Variants in MARCHF10 observed in about 807,000 individuals in gnomAD.
The protein encoded by MARCHF10 is membrane associated ring-CH-type finger 10.
In MARCHF10, 64 loss-of-function variants were observed where a neutral mutation model predicts 76.2. The ratio of observed to expected loss-of-function variants is 0.84; its 90% CI spans 0.69 to 1.03. The LOEUF (loss-of-function observed/expected upper bound fraction) is 1.03. Ranked by LOEUF, MARCHF10 falls within the 50% of genes least tolerant of loss-of-function variation. The probability of loss-of-function intolerance (pLI) is 0.00; values close to 1 mark genes in which losing one functional copy is unlikely to be tolerated. For missense variants in MARCHF10, 875 were observed against 958.0 expected (o/e 0.91, Z 1.14); for synonymous variants, 340 against 357.5 (o/e 0.95, Z 0.55).
Position 62,705,542 on chromosome 17 carries a change from C to T in MARCHF10, c.2368G>A (p.Glu790Lys), listed in dbSNP as rs1447477079. ...AGGACTGGCCCCCAAAACCTACTTT[C>T]ATTTTCCTCTGTTCTGGGTTGTGGG... is the stretch of plus-strand genomic sequence containing the variant. ...NYPQPRTEEN[E>K]NSELGDGNEG... The change falls in exon 10 of 11, where the codon GAA (glutamate) becomes AAA (lysine). Residue 790 changes from glutamate to lysine, a missense_variant. Coordinates refer to ENST00000311269, the MANE Select transcript of MARCHF10 (RefSeq NM_152598.4). The T allele has an allele frequency of 6.2e-7, 1 of 1,614,066 alleles. No homozygotes were observed. Among genetic ancestry groups the T allele is most frequent in the East Asian group, 2.2e-5 (1 of 44,898 alleles).
At position 62,801,746 on chromosome 17, in the gene MARCHF10, C is replaced by T. The variant is rs779527663; in HGVS notation, c.-11G>A. Reference sequence around the variant, plus strand: ...TGCGTCATGCAACATGATTCCTAATCCCTGACCTGCACAGAAAAGATAAAC... The same window carrying T: ...TGCGTCATGCAACATGATTCCTAATTCCTGACCTGCACAGAAAAGATAAAC... On this transcript the variant is annotated 5_prime_UTR_variant, in exon 2 of 11. Transcript: ENST00000311269. The T allele has an allele frequency of 7.4e-6, 12 of 1,610,750 alleles. No homozygotes were observed. The highest frequency in any genetic ancestry group is 9.3e-6 in the Non-Finnish European group (11 of 1,176,914).
intron 3 of MARCHF10, among the ~76,000 whole-genome samples, chr17:62,765,389 G>T (rs997741349): frequency 2.0e-5 from 3 of 148,816 alleles, no homozygotes; most frequent in Non-Finnish European, 4.4e-5. Context: ...ATGCCTTTTG[G>T]AGTCAGCTGG....
At chr17:62,727,860 C>G (rs1339492850) in intron 6 of MARCHF10, among the ~76,000 whole-genome samples, 2 of 152,118 alleles carry the variant, frequency 1.3e-5, no homozygotes, top group African/African-American at 2.4e-5. Flanking sequence ...TTGGGCTGCA[C>G]CAATGCAGGG....
At chr17:62,798,239 T>C (rs1219558411) in intron 2 of MARCHF10, among the ~76,000 whole-genome samples, 2 of 151,642 alleles carry the variant, frequency 1.3e-5, no homozygotes, top group East Asian at 1.9e-4. Flanking sequence ...AAATTAACAT[T>C]TGAGAGCCAG....
chr17:62,768,497 G>A (rs2092382341), intron 3 of MARCHF10, among the ~76,000 whole-genome samples: 1 of 152,198 alleles, frequency 6.6e-6, no homozygotes, highest in South Asian at 2.1e-4. Context: ...TCCAGTCTGG[G>A]TGACAGGGCA....
chr17:62,753,443 A>T (rs2091954612), intron 4 of MARCHF10, among the ~76,000 whole-genome samples: 1 of 152,138 alleles, frequency 6.6e-6, no homozygotes, highest in African/African-American at 2.4e-5. Context: ...TGTACATAGG[A>T]ATATCCCTGA....
intron 3 of MARCHF10, 26 bp downstream of exon 3, chr17:62,788,454 A>C: frequency 6.2e-7 from 1 of 1,613,494 alleles, no homozygotes; most frequent in Non-Finnish European, 8.5e-7. Context: ...CAGCCCCAGG[A>C]GACTGTCTCC....
In MARCHF10 at chr17:62,712,506, C is replaced by T. The variant is rs1263295053; in HGVS notation, c.2215-1162G>A. 6.6e-6 allele frequency among the ~76,000 whole-genome samples: 1 copy of T among 152,206 alleles called. No homozygotes were observed. Among genetic ancestry groups the T allele is most frequent in the Admixed American group, 6.5e-5 (1 of 15,280 alleles). On this transcript the variant is annotated intron_variant, in intron 8 of 10. Coordinates refer to ENST00000311269, the MANE Select transcript of MARCHF10 (RefSeq NM_152598.4). The surrounding 1 kb of genome is among the most constrained non-coding windows in gnomAD (Gnocchi z 4.2). ...TGCCAGAAAAGGCACAGAAGTTGAG[C>T]AAGGATTGATATGCTCTTCCTTCTG...
chr17:62,794,187 TCACAA>T (rs1248233378), intron 2 of MARCHF10, among the ~76,000 whole-genome samples: 1 of 126,118 alleles, frequency 7.9e-6, no homozygotes, highest in Non-Finnish European at 1.7e-5. Flanking sequence ...ACAAACACCA[TCACAA>T]CCATCACCAC....
chr17:62,765,276 C>T lies in MARCHF10; in HGVS notation c.211-5270G>A, dbSNP rs533401324. The stretch of plus-strand genomic sequence containing the variant: ...CTGAGGCACGAGAATTGCTTGAACC[C>T]GGGAGGCAGAGGTTGTAGTGAGCTG... On this transcript the variant is annotated intron_variant, in intron 3 of 10. Coordinates refer to ENST00000311269, the MANE Select transcript of MARCHF10 (RefSeq NM_152598.4). Among the ~76,000 whole-genome samples, 18 of 144,794 alleles carry T rather than the reference C, an allele frequency of 1.2e-4. No homozygotes were observed. In the South Asian group the frequency reaches 3.7e-3, roughly 30 times the overall value. The allele number at this position is 144,794 out of a possible 152,430, so 95.0% of individuals were successfully genotyped here. A position where few individuals can be genotyped will look rare whatever the true frequency, so the allele number is the denominator to read the frequency against.
intron 2 of MARCHF10, among the ~76,000 whole-genome samples, chr17:62,789,451 T>C (rs2092805802): frequency 6.6e-6 from 1 of 152,248 alleles, no homozygotes; most frequent in African/African-American, 2.4e-5. Flanking sequence ...CTGCCCTCTC[T>C]TCTCCAGGCC....
At chr17:62,720,728 C>A (rs564682858) in intron 8 of MARCHF10, among the ~76,000 whole-genome samples, 4 of 152,302 alleles carry the variant, frequency 2.6e-5, no homozygotes, top group Middle Eastern at 3.4e-3. Context: ...CAGGGTCCCC[C>A]TGGAATTTTT....
At chr17:62,798,388 C>T (rs2093019155) in intron 2 of MARCHF10, among the ~76,000 whole-genome samples, 1 of 148,434 alleles carries the variant, frequency 6.7e-6, no homozygotes, top group African/African-American at 2.5e-5. Flanking sequence ...CTTTGGGAGG[C>T]TGAGACAGGA....
In MARCHF10 at chr17:62,799,634, T is replaced by G. The variant is rs553552550; in HGVS notation, c.90+2012A>C. ...TGTTGGCGCATGCCTGAATCCCAGCTACTTGGGACGCGGAGGCAGGAGAAT... is the reference window on the plus strand; with the variant it reads ...TGTTGGCGCATGCCTGAATCCCAGCGACTTGGGACGCGGAGGCAGGAGAAT... On this transcript the variant is annotated intron_variant, in intron 2 of 10. Transcript: ENST00000311269. 1.2e-3 allele frequency among the ~76,000 whole-genome samples: 179 copies of G among 151,828 alleles called. 1 individual carries two copies. Among genetic ancestry groups the G allele is most frequent in the Non-Finnish European group, 1.9e-3 (126 of 67,992 alleles).
chr17:62,733,623 A>C (rs1236394602), intron 6 of MARCHF10, among the ~76,000 whole-genome samples: 1 of 152,248 alleles, frequency 6.6e-6, no homozygotes, highest in African/African-American at 2.4e-5. Context: ...CACACGAGCC[A>C]GGAGACATTT....
chr17:62,716,860 C>A (rs1402720818), intron 8 of MARCHF10, among the ~76,000 whole-genome samples: 1 of 152,028 alleles, frequency 6.6e-6, no homozygotes, highest in Non-Finnish European at 1.5e-5. Flanking sequence ...AGAAGTGGTG[C>A]CACTTCTCCA....
chr17:62,718,433 C>A (rs1468189696), intron 8 of MARCHF10, among the ~76,000 whole-genome samples: 2 of 152,152 alleles, frequency 1.3e-5, no homozygotes, highest in Admixed American at 1.3e-4. Flanking sequence ...AGAGGGAGAA[C>A]CATGTGGAAA....
chr17:62,777,993 T>C (rs2092584884), intron 3 of MARCHF10, among the ~76,000 whole-genome samples: 1 of 152,170 alleles, frequency 6.6e-6, no homozygotes, highest in Non-Finnish European at 1.5e-5. Context: ...TCATCAAATA[T>C]GCATGGAGCT....
intron 2 of MARCHF10, among the ~76,000 whole-genome samples, chr17:62,796,826 T>C (rs1451345670): frequency 6.6e-6 from 1 of 152,104 alleles, no homozygotes; most frequent in East Asian, 1.9e-4. Context: ...CCCGTGTCTC[T>C]ATAAAAATAC....
Sources: gnomAD v4.1 joint callset for allele counts (sites outside exome capture counted in the v4.1 genomes callset) on GRCh38, gnomAD v4.1.1 for gene constraint, Gnocchi (gnomAD v3.1) non-coding constraint, MANE v1.5 for transcripts, NCBI Gene and HGNC (gene_info 2026-07-23, HGNC 2026-07-21) for gene names.